Variants in TRPC5 observed in about 807,000 individuals in gnomAD.
The protein encoded by TRPC5 is transient receptor potential cation channel subfamily C member 5.
TRPC5 carries 9 observed loss-of-function variants against 56.5 expected under a neutral mutation model. The observed-to-expected ratio is 0.16, with a 90% CI of 0.10 to 0.28. The LOEUF (loss-of-function observed/expected upper bound fraction) is 0.28, where lower values mean the gene tolerates loss of function less well. TRPC5 is among the 10% of genes least tolerant of loss of function. The pLI, the probability that TRPC5 is intolerant of heterozygous loss-of-function variation, is 1.00. For synonymous variants in TRPC5, 282 were observed against 278.5 expected (o/e 1.01, Z -0.13); for missense variants, 469 against 748.9 (o/e 0.63, Z 4.36).
intron 7 of TRPC5, among the ~76,000 whole-genome samples, chrX:111,800,365 G>A (rs1921264197): frequency 8.9e-6 from 1 of 111,733 alleles, no homozygotes; most frequent in South Asian, 3.8e-4. Flanking sequence ...TACAGTATAT[G>A]TCCCGCTTGT....
At chrX:112,053,519 G>T (rs984585903) in intron 1 of TRPC5, among the ~76,000 whole-genome samples, 9 of 111,441 alleles carry the variant, frequency 8.1e-5, no homozygotes, top group Non-Finnish European at 1.5e-4. Flanking sequence ...AATGGCACCA[G>T]TACTAATATT....
At chrX:111,995,020 A>G (rs1026154830) in intron 1 of TRPC5, among the ~76,000 whole-genome samples, 1 of 111,892 alleles carries the variant, frequency 8.9e-6, no homozygotes, top group African/African-American at 3.2e-5. Context: ...GAGTGGTGAG[A>G]GAGGGCATCC....
intron 7 of TRPC5, among the ~76,000 whole-genome samples, chrX:111,809,525 C>G (rs1921630069): frequency 8.9e-6 from 1 of 112,024 alleles, no homozygotes; most frequent in Non-Finnish European, 1.9e-5. Context: ...GCCATGCAGC[C>G]ACTGCCAGAG....
chrX:111,877,582 C>T (rs1319574060), intron 3 of TRPC5, among the ~76,000 whole-genome samples: 1 of 111,254 alleles, frequency 9.0e-6, no homozygotes, highest in East Asian at 2.8e-4. Context: ...ACATCAGAGT[C>T]AGAGTCAGAG....
chrX:111,966,878 G>T (rs1357522731), intron 1 of TRPC5, among the ~76,000 whole-genome samples: 1 of 110,617 alleles, frequency 9.0e-6, no homozygotes, highest in African/African-American at 3.3e-5. Flanking sequence ...ATATCATACT[G>T]AATGGGCAAA....
At chrX:111,954,516 T>TG (rs777550095) in intron 1 of TRPC5, among the ~76,000 whole-genome samples, 113 of 111,618 alleles carry the variant, frequency 1.0e-3, no homozygotes, top group African/African-American at 3.6e-3. Context: ...GGTGATGGGT[T>TG]GGGGGGAATG....
intron 2 of TRPC5, among the ~76,000 whole-genome samples, chrX:111,938,575 A>G (rs921420433): frequency 9.0e-6 from 1 of 111,062 alleles, no homozygotes; most frequent in Non-Finnish European, 1.9e-5. Flanking sequence ...GAATTTTGTC[A>G]AAGGCCTTTT....
chrX:111,831,394 G>T (rs1922402564), intron 7 of TRPC5, among the ~76,000 whole-genome samples: 1 of 112,248 alleles, frequency 8.9e-6, no homozygotes. Context: ...ATCTGAGGTT[G>T]GTCCTAGATG....
At chrX:112,038,690 A>AT (rs1271784680) in intron 1 of TRPC5, among the ~76,000 whole-genome samples, 48 of 105,359 alleles carry the variant, frequency 4.6e-4, no homozygotes, top group Admixed American at 3.3e-3. Context: ...TTTTATTTTT[A>AT]TTTTTTTTTG....
chrX:111,818,435 A>G (rs1921927573), intron 7 of TRPC5, among the ~76,000 whole-genome samples: 1 of 111,200 alleles, frequency 9.0e-6, no homozygotes, highest in African/African-American at 3.3e-5. Context: ...CACTGAGGTT[A>G]GAGACTTTGT....
chrX:111,837,245 T>C (rs1378856040), intron 6 of TRPC5, among the ~76,000 whole-genome samples: 1 of 110,905 alleles, frequency 9.0e-6, no homozygotes, highest in African/African-American at 3.3e-5. Flanking sequence ...GGCCAGGCAA[T>C]ACAATGCATC....
chrX:111,967,495 C>T (rs1023246465), intron 1 of TRPC5, among the ~76,000 whole-genome samples: 5 of 111,538 alleles, frequency 4.5e-5, no homozygotes, highest in African/African-American at 9.8e-5. Context: ...AAGTTCATAG[C>T]GACCAAAAAA....
At chrX:112,004,618 C>T (rs1444951742) in intron 1 of TRPC5, among the ~76,000 whole-genome samples, 2 of 111,889 alleles carry the variant, frequency 1.8e-5, no homozygotes, top group African/African-American at 6.5e-5. Context: ...ATCAGACACT[C>T]TGAGATGGAT....
At chrX:111,969,032 A>C (rs755376827) in intron 1 of TRPC5, among the ~76,000 whole-genome samples, 5 of 108,917 alleles carry the variant, frequency 4.6e-5, no homozygotes, top group African/African-American at 1.3e-4. Flanking sequence ...AAAACAACAA[A>C]AAAAATAAAT....
chrX:111,838,709 A>G (rs945125720), intron 6 of TRPC5, among the ~76,000 whole-genome samples: 3 of 111,999 alleles, frequency 2.7e-5, no homozygotes, highest in African/African-American at 9.7e-5. Context: ...AAATGCACAG[A>G]AGACAAATCC....
At chrX:111,930,915 G>A (rs1313262161) in intron 2 of TRPC5, 2 of 133,102 alleles carry the variant, frequency 1.5e-5, no homozygotes, top group Admixed American at 1.4e-4. Flanking sequence ...CCCTGGAAGT[G>A]GCCAATCACA....
intron 1 of TRPC5, among the ~76,000 whole-genome samples, chrX:112,075,687 G>A (rs1930818533): frequency 8.9e-6 from 1 of 111,974 alleles, no homozygotes; most frequent in Non-Finnish European, 1.9e-5. Context: ...AGAGAGAGAT[G>A]CAAAGGGAGA....
intron 6 of TRPC5, among the ~76,000 whole-genome samples, chrX:111,846,274 G>A (rs56140219): frequency 0.015 from 1,688 of 111,674 alleles, 33 homozygotes; most frequent in African/African-American, 0.053. Flanking sequence ...GCACTCTCCC[G>A]AAGTAGGGGT....
chrX:111,802,032 AT>A (rs1189517676), intron 7 of TRPC5, among the ~76,000 whole-genome samples: 1 of 111,913 alleles, frequency 8.9e-6, no homozygotes, highest in Non-Finnish European at 1.9e-5. Flanking sequence ...TCTGTGCTCA[AT>A]ATAGAGTTAG....
Sources: gnomAD v4.1 joint callset for allele counts (sites outside exome capture counted in the v4.1 genomes callset) on GRCh38, gnomAD v4.1.1 for gene constraint, MANE v1.5 for transcripts, NCBI Gene and HGNC (gene_info 2026-07-23, HGNC 2026-07-21) for gene names.